Variants in CSMD1 observed in about 807,000 individuals in gnomAD.
CSMD1 encodes the protein CUB and sushi domain-containing protein 1.
CSMD1 carries 213 observed loss-of-function variants against 417.5 expected under a neutral mutation model. The observed-to-expected ratio is 0.51, with a 90% CI of 0.46 to 0.57. The LOEUF (loss-of-function observed/expected upper bound fraction) is 0.57. Among genes scored for constraint, CSMD1 ranks in the 20% least tolerant of loss-of-function variants. The pLI, the probability that CSMD1 is intolerant of heterozygous loss-of-function variation, is 0.00. For synonymous variants in CSMD1, 2,862 were observed against 1,736.8 expected, an observed-to-expected ratio of 1.65 and a Z score of -16.11; for missense variants, 6,923 against 4,529.7, an observed-to-expected ratio of 1.53 and a Z score of -15.17.
chr8:4,766,137 G>A lies in CSMD1; in HGVS notation c.86-128579C>T, dbSNP rs545155683. 3.9e-5 allele frequency among the ~76,000 whole-genome samples: 6 copies of A among 152,270 alleles called. No homozygotes were observed. The East Asian group carries it at 9.7e-4, about 25-fold the overall frequency. On this transcript the variant is annotated intron_variant, in intron 1 of 69. Transcript: ENST00000635120. ...CAGCCAAATAAACTTTTGATAAAATGTACAATGCTTTGTGTACTAGTCCTG... is the reference window on the plus strand; with the variant it reads ...CAGCCAAATAAACTTTTGATAAAATATACAATGCTTTGTGTACTAGTCCTG...
chr8:4,810,707 T>C (rs1392839145), intron 1 of CSMD1, among the ~76,000 whole-genome samples: 2 of 152,214 alleles, frequency 1.3e-5, no homozygotes, highest in African/African-American at 4.8e-5. Context: ...GATTCCGTCA[T>C]CTGGAAATTT....
intron 2 of CSMD1, among the ~76,000 whole-genome samples, chr8:4,481,859 G>A (rs1801116203): frequency 6.6e-6 from 1 of 152,054 alleles, no homozygotes; most frequent in Non-Finnish European, 1.5e-5. Flanking sequence ...TTCTATTTTA[G>A]AAGTCAGGAA....
At chr8:4,167,660 C>T in intron 3 of CSMD1, among the ~76,000 whole-genome samples, 1 of 152,230 alleles carries the variant, frequency 6.6e-6, no homozygotes. Flanking sequence ...AGATTGGCCA[C>T]ATAAAAAGAT....
intron 6 of CSMD1, among the ~76,000 whole-genome samples, chr8:3,723,358 C>T (rs538976472): frequency 6.6e-6 from 1 of 152,282 alleles, no homozygotes; most frequent in South Asian, 2.1e-4. Flanking sequence ...AGCACCATCT[C>T]CCTTTCTTAA....
At chr8:4,046,343 C>T (rs1488302560) in intron 3 of CSMD1, among the ~76,000 whole-genome samples, 1 of 152,120 alleles carries the variant, frequency 6.6e-6, no homozygotes, top group Non-Finnish European at 1.5e-5. Context: ...AAAATAGACT[C>T]AATGTTATCA....
At chr8:3,968,919 G>A (rs1018605464) in intron 5 of CSMD1, among the ~76,000 whole-genome samples, 1 of 152,130 alleles carries the variant, frequency 6.6e-6, no homozygotes, top group Non-Finnish European at 1.5e-5. Flanking sequence ...TTATCTCAAA[G>A]TTTTCAAGGC....
intron 1 of CSMD1, among the ~76,000 whole-genome samples, chr8:4,988,004 T>G (rs987813744): frequency 6.6e-6 from 1 of 152,188 alleles, no homozygotes; most frequent in African/African-American, 2.4e-5. Context: ...GGGAATTCAC[T>G]TTGTGCTCCT....
intron 3 of CSMD1, among the ~76,000 whole-genome samples, chr8:4,115,690 C>G (rs1026656652): frequency 6.6e-6 from 1 of 151,964 alleles, no homozygotes; most frequent in Non-Finnish European, 1.5e-5. Context: ...ACCAAGGTGC[C>G]CTGTAAGAGG....
chr8:4,924,722 CAAA>C (rs60827201), intron 1 of CSMD1, among the ~76,000 whole-genome samples: 67 of 62,544 alleles, frequency 1.1e-3, no homozygotes, highest in African/African-American at 3.2e-3. Flanking sequence ...AACTCCATCT[CAAA>C]AAAAAAAAAA....
At chr8:3,434,132 T>C (rs541409601) in intron 12 of CSMD1, among the ~76,000 whole-genome samples, 1 of 152,352 alleles carries the variant, frequency 6.6e-6, no homozygotes, top group East Asian at 1.9e-4. Context: ...AAGAATACCT[T>C]TGAGGTTCTC....
At chr8:4,041,319 G>A (rs984355207) in intron 3 of CSMD1, among the ~76,000 whole-genome samples, 5 of 152,034 alleles carry the variant, frequency 3.3e-5, no homozygotes, top group Admixed American at 6.5e-5. Flanking sequence ...GCCTGGCCGG[G>A]CCTTTGCCAT....
At chr8:4,070,292 C>T (rs1186285011) in intron 3 of CSMD1, among the ~76,000 whole-genome samples, 1 of 152,048 alleles carries the variant, frequency 6.6e-6, no homozygotes, top group African/African-American at 2.4e-5. Context: ...GTTATTTTTA[C>T]TTAAAAAGTC....
At chr8:4,842,019 T>G (rs919852619) in intron 1 of CSMD1, among the ~76,000 whole-genome samples, 1 of 151,128 alleles carries the variant, frequency 6.6e-6, no homozygotes, top group African/African-American at 2.4e-5. Flanking sequence ...AAAAAAGCAA[T>G]TTTTCAAGGG....
intron 49 of CSMD1, among the ~76,000 whole-genome samples, chr8:3,074,421 G>A (rs1445902387): frequency 6.6e-6 from 1 of 152,166 alleles, no homozygotes; most frequent in Non-Finnish European, 1.5e-5. Context: ...TGTCTACCCA[G>A]GGCGTCGGTC....
intron 5 of CSMD1, among the ~76,000 whole-genome samples, chr8:3,881,229 C>G (rs1215527474): frequency 1.3e-5 from 2 of 148,572 alleles, no homozygotes; most frequent in African/African-American, 2.5e-5. Flanking sequence ...ACTCTCAACC[C>G]AAACCTCAAC....
intron 41 of CSMD1, chr8:3,127,300 CTGAG>C (rs1441955261): frequency 1.3e-5 from 2 of 152,172 alleles, no homozygotes; most frequent in African/African-American, 4.8e-5. Context: ...AAAACAGAGA[CTGAG>C]TAAGCACCCT....
At chr8:4,339,639 C>T (rs1185524817) in intron 3 of CSMD1, among the ~76,000 whole-genome samples, 1 of 152,082 alleles carries the variant, frequency 6.6e-6, no homozygotes, top group African/African-American at 2.4e-5. Context: ...CATAGGAAAA[C>T]ATTCATCAGA....
At chr8:3,771,182 G>T (rs1343394630) in intron 5 of CSMD1, among the ~76,000 whole-genome samples, 1 of 152,066 alleles carries the variant, frequency 6.6e-6, no homozygotes, top group Non-Finnish European at 1.5e-5. Flanking sequence ...GCACTTTGGG[G>T]AAAAACGATG....
chr8:4,406,991 G>C (rs1270685213), intron 3 of CSMD1, among the ~76,000 whole-genome samples: 2 of 152,254 alleles, frequency 1.3e-5, no homozygotes, highest in Non-Finnish European at 2.9e-5. Context: ...TCTAGCTTTA[G>C]GGTTGGGATT....
Sources: gnomAD v4.1 joint callset for allele counts (sites outside exome capture counted in the v4.1 genomes callset) on GRCh38, gnomAD v4.1.1 for gene constraint, MANE v1.5 for transcripts, NCBI Gene and HGNC (gene_info 2026-07-23, HGNC 2026-07-21) for gene names.